Variants in GMPR observed in about 807,000 individuals in gnomAD.
GMPR encodes the protein guanosine monophosphate reductase, also known as GMP reductase 1.
Under a neutral mutation model 38.4 loss-of-function variants are expected in GMPR, and 31 were observed. The observed-to-expected ratio is 0.81, with a 90% CI of 0.61 to 1.09. The LOEUF (loss-of-function observed/expected upper bound fraction) is 1.09, where lower values mean the gene tolerates loss of function less well. Among genes scored for constraint, GMPR ranks in the 50% least tolerant of loss-of-function variants. The pLI is 0.00. For missense variants in GMPR, 468 were observed against 453.7 expected (o/e 1.03, Z -0.29); for synonymous variants, 162 against 173.3 (o/e 0.93, Z 0.51).
chr6:16,246,491 A>T (rs2113668838), intron 1 of GMPR, among the ~76,000 whole-genome samples: 1 of 152,308 alleles, frequency 6.6e-6, no homozygotes, highest in South Asian at 2.1e-4. Context: ...GAGGAGGGCC[A>T]TGGTTGGCAA....
At chr6:16,270,264 A>G (rs1759356510) in intron 4 of GMPR, among the ~76,000 whole-genome samples, 1 of 152,194 alleles carries the variant, frequency 6.6e-6, no homozygotes, top group Admixed American at 6.5e-5. Flanking sequence ...TTCCCTAGGA[A>G]GAGGGGTTGC....
chr6:16,254,790 G>A (rs1758943453), intron 4 of GMPR, 55 bp downstream of exon 4: 2 of 1,322,886 alleles, frequency 1.5e-6, no homozygotes, highest in Non-Finnish European at 2.2e-6. Flanking sequence ...AAGCCACGAG[G>A]GAGTTGTTCA....
At chr6:16,249,390 G>C (rs1758822769) in intron 2 of GMPR, among the ~76,000 whole-genome samples, 1 of 152,076 alleles carries the variant, frequency 6.6e-6, no homozygotes, top group Non-Finnish European at 1.5e-5. Context: ...GGCTGGTTTT[G>C]AACTCCTGAC....
intron 4 of GMPR, among the ~76,000 whole-genome samples, chr6:16,267,442 C>T (rs537105117): frequency 6.6e-5 from 10 of 152,084 alleles, no homozygotes; most frequent in South Asian, 2.1e-4. Flanking sequence ...GACCACGAAC[C>T]GTCCGGGAGG....
chr6:16,276,493 G>A (rs1013278652), intron 5 of GMPR, among the ~76,000 whole-genome samples: 1 of 152,096 alleles, frequency 6.6e-6, no homozygotes, highest in African/African-American at 2.4e-5. Context: ...TTCTAGATGT[G>A]GTCTCGAACA....
intron 4 of GMPR, among the ~76,000 whole-genome samples, chr6:16,257,361 C>G (rs1759002131): frequency 6.6e-6 from 1 of 152,174 alleles, no homozygotes; most frequent in Non-Finnish European, 1.5e-5. Context: ...ATACGATAAA[C>G]TGGTAAACAT....
At chr6:16,246,229 C>T (rs905214742) in intron 1 of GMPR, among the ~76,000 whole-genome samples, 3 of 152,224 alleles carry the variant, frequency 2.0e-5, no homozygotes, top group East Asian at 3.9e-4. Flanking sequence ...CTACATGCCC[C>T]GATCTTGAAG....
chr6:16,282,616 T>G (rs1055067568), intron 6 of GMPR, among the ~76,000 whole-genome samples: 3 of 152,222 alleles, frequency 2.0e-5, no homozygotes, highest in Non-Finnish European at 4.4e-5. Flanking sequence ...TTCATGAGTT[T>G]GAATGGAAAA....
At chr6:16,251,352 C>T (rs1758871756) in intron 3 of GMPR, among the ~76,000 whole-genome samples, 1 of 152,200 alleles carries the variant, frequency 6.6e-6, no homozygotes, top group African/African-American at 2.4e-5. Flanking sequence ...GGGTGGATCA[C>T]CTGAGGTCGG....
At chr6:16,269,641 CA>C (rs1168674526) in intron 4 of GMPR, among the ~76,000 whole-genome samples, 1 of 151,892 alleles carries the variant, frequency 6.6e-6, no homozygotes, top group Non-Finnish European at 1.5e-5. Context: ...ACTAAAAATA[CA>C]AAAAATTAGC....
intron 6 of GMPR, among the ~76,000 whole-genome samples, chr6:16,282,948 A>G (rs1161217731): frequency 6.6e-6 from 1 of 151,892 alleles, no homozygotes; most frequent in Non-Finnish European, 1.5e-5. Context: ...AGCTGGGATT[A>G]TAGGCATACG....
chr6:16,285,950 C>T (rs1490624544), intron 7 of GMPR, 115 bp downstream of exon 7: 2 of 854,376 alleles, frequency 2.3e-6, no homozygotes, highest in Admixed American at 4.0e-5. Context: ...TTCTGGGTCT[C>T]CTGGAGGTTC....
chr6:16,284,587 G>A (rs976948150), intron 6 of GMPR, among the ~76,000 whole-genome samples: 29 of 152,162 alleles, frequency 1.9e-4, no homozygotes, highest in Admixed American at 1.8e-3. Context: ...CTTGCACCAT[G>A]GCTTTCGTGA....
chr6:16,266,620 G>A (rs560682549), intron 4 of GMPR, among the ~76,000 whole-genome samples: 3 of 151,696 alleles, frequency 2.0e-5, no homozygotes, highest in East Asian at 3.9e-4. Flanking sequence ...GGCTAACACG[G>A]TGAAACCCCA....
Position 16,290,543 on chromosome 6 carries a change from G to T in GMPR, c.779G>T (p.Gly260Val). The T allele has an allele frequency of 6.2e-7, 1 of 1,614,076 alleles. No individual in the cohort carries two copies. The highest frequency in any genetic ancestry group is 1.3e-5 in the African/African-American group (1 of 75,040). ...ECAGEVFERNGRKLKLFYGMS... is the reference protein window; with the variant it reads ...ECAGEVFERNVRKLKLFYGMS... ...GCTGGAGAAGTGTTTGAGAGGAACG[G>T]ACGGAAGCTCAAGCTCTTCTACGGG... The change falls in exon 8 of 9, where the codon GGA becomes GTA. Residue 260 changes from glycine to valine, a missense_variant. Physicochemically the swap from Gly to Val is moderately radical, Grantham distance 109. Transcript: ENST00000259727.
At chr6:16,256,549 A>G (rs1353502309) in intron 4 of GMPR, among the ~76,000 whole-genome samples, 1 of 150,908 alleles carries the variant, frequency 6.6e-6, no homozygotes, top group Non-Finnish European at 1.5e-5. Context: ...AAAAAAAAAA[A>G]AAGAGTTGTT....
intron 7 of GMPR, among the ~76,000 whole-genome samples, chr6:16,288,519 G>A (rs377019228): frequency 1.2e-3 from 178 of 152,204 alleles, no homozygotes; most frequent in Non-Finnish European, 2.0e-3. Context: ...CCTGCCGCCC[G>A]CCATGGCTGA....
At chr6:16,293,871 C>T (rs965447413) in intron 8 of GMPR, among the ~76,000 whole-genome samples, 2 of 152,200 alleles carry the variant, frequency 1.3e-5, no homozygotes. Context: ...CTTGTTAGAA[C>T]TTGCATGGCC....
In GMPR at chr6:16,278,859, C is replaced by G; in HGVS notation, c.623C>G (p.Ser208Cys). The change falls in exon 6 of 9, where the codon TCT becomes TGT. Residue 208 changes from serine to cysteine, a missense_variant. Ser to Cys is a moderately radical substitution (Grantham distance 112). Coordinates refer to ENST00000259727, the MANE Select transcript of GMPR (RefSeq NM_006877.4). ...AGTGCCGTCATTGAGTGTGCCGACT[C>G]TGCCCATGGCCTGAAGGGCCACATC... is the stretch of plus-strand genomic sequence containing the variant. Reference protein sequence around the residue: ...QLSAVIECADSAHGLKGHIIS... With the variant: ...QLSAVIECADCAHGLKGHIIS... 6.2e-7 allele frequency: 1 copy of G among 1,613,660 alleles called. No individual in the cohort carries two copies. The highest frequency in any genetic ancestry group is 8.5e-7 in the Non-Finnish European group (1 of 1,179,592).
Sources: allele counts gnomAD v4.1 joint callset (sites outside exome capture counted in the v4.1 genomes callset), GRCh38; gene constraint gnomAD v4.1.1; transcripts MANE v1.5; gene names NCBI Gene and HGNC (gene_info 2026-07-23, HGNC 2026-07-21).